Variants in LGSN observed in about 807,000 individuals in gnomAD.
The protein encoded by LGSN is lengsin.
In LGSN, 21 loss-of-function variants were observed where a neutral mutation model predicts 19.5. That is an observed-to-expected ratio of 1.07 (90% CI 0.76 to 1.55). LGSN has a LOEUF of 1.55. Ranked by LOEUF, LGSN falls within the 40% of genes most tolerant of loss-of-function variation. LGSN has a pLI of 0.00. For missense variants in LGSN, 673 were observed against 608.5 expected (o/e 1.11, Z -1.12); for synonymous variants, 257 against 215.6 (o/e 1.19, Z -1.68).
chr6:63,561,452 G>T, the LGSN span, among the ~76,000 whole-genome samples: 1 of 152,206 alleles, frequency 6.6e-6, no homozygotes, highest in East Asian at 1.9e-4. Context: ...TCCCTAGACA[G>T]TGCCTGATAA....
At chr6:63,490,085 TTACTC>T in the LGSN span, among the ~76,000 whole-genome samples, 88 of 152,310 alleles carry the variant, frequency 5.8e-4, no homozygotes, top group Middle Eastern at 0.01. Flanking sequence ...TTCATTGAAT[TTACTC>T]TATTACATAG....
At chr6:63,475,840 A>G in the LGSN span, among the ~76,000 whole-genome samples, 10 of 152,298 alleles carry the variant, frequency 6.6e-5, no homozygotes, top group East Asian at 1.9e-3. Context: ...GGTCATGCTC[A>G]GAACAGTCTG....
At chr6:63,522,224 G>T in the LGSN span, among the ~76,000 whole-genome samples, 1 of 152,030 alleles carries the variant, frequency 6.6e-6, no homozygotes, top group Non-Finnish European at 1.5e-5. Context: ...TATTTTAAGG[G>T]CTACAATATA....
the LGSN span, among the ~76,000 whole-genome samples, chr6:63,467,630 A>G: frequency 6.6e-6 from 1 of 152,168 alleles, no homozygotes; most frequent in African/African-American, 2.4e-5. Flanking sequence ...CTCTTCTTAT[A>G]AGGACAGCAG....
the LGSN span, among the ~76,000 whole-genome samples, chr6:63,476,032 T>G: frequency 6.6e-6 from 1 of 152,190 alleles, no homozygotes; most frequent in Non-Finnish European, 1.5e-5. Context: ...ATAAAGGACA[T>G]TATTATGTAG....
chr6:63,397,742 AC>A, the LGSN span, among the ~76,000 whole-genome samples: 1 of 152,140 alleles, frequency 6.6e-6, no homozygotes, highest in South Asian at 2.1e-4. Context: ...ACATGGTGAA[AC>A]CCCATCTCTA....
At chr6:63,568,933 C>T in the LGSN span, among the ~76,000 whole-genome samples, 1 of 152,036 alleles carries the variant, frequency 6.6e-6, no homozygotes, top group Non-Finnish European at 1.5e-5. Context: ...GCCTCTATTA[C>T]ATATATTTGC....
the LGSN span, among the ~76,000 whole-genome samples, chr6:63,405,121 C>T: frequency 2.6e-5 from 4 of 152,030 alleles, no homozygotes; most frequent in East Asian, 7.7e-4. Context: ...CATGTCCCTA[C>T]AAAGGACATG....
At chr6:63,436,468 TG>T in the LGSN span, among the ~76,000 whole-genome samples, 2 of 152,228 alleles carry the variant, frequency 1.3e-5, no homozygotes, top group Non-Finnish European at 2.9e-5. Context: ...CAAAATCAAC[TG>T]TTTTCAAAAT....
chr6:63,306,050 G>C (rs1211224662), intron 1 of LGSN, among the ~76,000 whole-genome samples: 4 of 151,896 alleles, frequency 2.6e-5, no homozygotes, highest in African/African-American at 9.7e-5. Context: ...CTGGGCAACA[G>C]AGTGAGACTC....
At chr6:63,424,744 T>G in the LGSN span, among the ~76,000 whole-genome samples, 3 of 152,130 alleles carry the variant, frequency 2.0e-5, no homozygotes, top group South Asian at 6.2e-4. Flanking sequence ...GAAACCCATC[T>G]CTACAAAAAG....
the LGSN span, among the ~76,000 whole-genome samples, chr6:63,477,617 C>T: frequency 2.0e-5 from 3 of 147,376 alleles, no homozygotes; most frequent in East Asian, 2.0e-4. Context: ...ACATAAATCA[C>T]GTAAGATCCA....
chr6:63,423,222 C>T, the LGSN span, among the ~76,000 whole-genome samples: 2 of 152,122 alleles, frequency 1.3e-5, no homozygotes, highest in Non-Finnish European at 2.9e-5. Flanking sequence ...GGTGCCAATC[C>T]GTAGACCCAG....
At chr6:63,313,546 C>A (rs1367324912) in intron 1 of LGSN, among the ~76,000 whole-genome samples, 3 of 152,032 alleles carry the variant, frequency 2.0e-5, no homozygotes, top group Non-Finnish European at 4.4e-5. Context: ...TATTTAAATG[C>A]TAAGACAGCC....
chr6:63,549,382 T>G, the LGSN span: 2 of 753,592 alleles, frequency 2.7e-6, no homozygotes, highest in Non-Finnish European at 4.8e-6. Flanking sequence ...CTGAATGTCC[T>G]GTCCAATGTC....
At chr6:63,371,929 A>G in the LGSN span, among the ~76,000 whole-genome samples, 1 of 152,202 alleles carries the variant, frequency 6.6e-6, no homozygotes, top group Non-Finnish European at 1.5e-5. Flanking sequence ...CAGAGTAAAT[A>G]CAGTATTCTC....
chr6:63,500,270 A>C, the LGSN span, among the ~76,000 whole-genome samples: 1 of 152,186 alleles, frequency 6.6e-6, no homozygotes, highest in Non-Finnish European at 1.5e-5. Context: ...ATAATGGAAA[A>C]AAAAAAGATT....
At chr6:63,327,579 G>A in the LGSN span, among the ~76,000 whole-genome samples, 2 of 152,100 alleles carry the variant, frequency 1.3e-5, no homozygotes, top group Non-Finnish European at 2.9e-5. Flanking sequence ...AGTCTATTTG[G>A]GATTGTAAAG....
At chr6:63,412,738 A>ACG in the LGSN span, among the ~76,000 whole-genome samples, 29 of 54,934 alleles carry the variant, frequency 5.3e-4, no homozygotes, top group African/African-American at 3.4e-3. Context: ...AAAGAAAGAA[A>ACG]GAAAGAAAGA....
Sources: allele counts gnomAD v4.1 joint callset (sites outside exome capture counted in the v4.1 genomes callset), GRCh38; gene constraint gnomAD v4.1.1; transcripts MANE v1.5; gene names NCBI Gene and HGNC (gene_info 2026-07-23, HGNC 2026-07-21).